Variants in DACH2 observed in about 807,000 individuals in gnomAD.
The protein encoded by DACH2 is dachshund family transcription factor 2.
Under a neutral mutation model 35.8 loss-of-function variants are expected in DACH2, and 17 were observed. The ratio of observed to expected loss-of-function variants is 0.48; its 90% CI spans 0.33 to 0.71. The LOEUF (loss-of-function observed/expected upper bound fraction) is 0.71, where lower values mean the gene tolerates loss of function less well. DACH2 is among the 30% of genes least tolerant of loss of function. The probability of loss-of-function intolerance (pLI) is 0.02; values close to 1 mark genes in which losing one functional copy is unlikely to be tolerated. For missense variants in DACH2, 469 were observed against 472.7 expected (o/e 0.99, Z 0.07); for synonymous variants, 195 against 177.3 (o/e 1.10, Z -0.79).
intron 1 of DACH2, among the ~76,000 whole-genome samples, chrX:86,218,948 A>G (rs1457193604): frequency 1.8e-5 from 2 of 111,995 alleles, no homozygotes; most frequent in African/African-American, 6.5e-5. Flanking sequence ...TTTCTTCTTT[A>G]ATATCCTGAT....
At chrX:86,261,628 GA>G (rs1166205521) in intron 1 of DACH2, among the ~76,000 whole-genome samples, 1 of 111,594 alleles carries the variant, frequency 9.0e-6, no homozygotes, top group African/African-American at 3.3e-5. Flanking sequence ...AGTGGAAAAT[GA>G]AGAGGAATTT....
chrX:86,206,655 G>T (rs2032320028), intron 1 of DACH2, among the ~76,000 whole-genome samples: 1 of 112,181 alleles, frequency 8.9e-6, no homozygotes, highest in Non-Finnish European at 1.9e-5. Context: ...TCATGGCAAA[G>T]TCATTTAGCC....
chrX:86,818,130 C>G (rs1793711946), intron 11 of DACH2, among the ~76,000 whole-genome samples: 1 of 111,426 alleles, frequency 9.0e-6, no homozygotes, highest in Non-Finnish European at 1.9e-5. Flanking sequence ...AAATAAGGTT[C>G]CACATAAATG....
intron 3 of DACH2, among the ~76,000 whole-genome samples, chrX:86,542,643 T>C (rs2038901691): frequency 8.9e-6 from 1 of 111,840 alleles, no homozygotes; most frequent in African/African-American, 3.3e-5. Flanking sequence ...TGTTCTGTTA[T>C]AGCAACACAA....
At chrX:86,576,062 T>C (rs2039431788) in intron 3 of DACH2, among the ~76,000 whole-genome samples, 1 of 112,308 alleles carries the variant, frequency 8.9e-6, no homozygotes, top group Non-Finnish European at 1.9e-5. Flanking sequence ...ATCCATTCAT[T>C]CATTTACTCA....
At chrX:86,371,543 A>T (rs748481873) in intron 1 of DACH2, among the ~76,000 whole-genome samples, 41 of 111,114 alleles carry the variant, frequency 3.7e-4, no homozygotes, top group Non-Finnish European at 6.4e-4. Context: ...AAACTTAAAT[A>T]GGCCTGAAAT....
intron 7 of DACH2, among the ~76,000 whole-genome samples, chrX:86,792,272 A>G (rs1278288153): frequency 8.9e-6 from 1 of 111,965 alleles, no homozygotes; most frequent in African/African-American, 3.2e-5. Flanking sequence ...TATTTTATGC[A>G]AGATATGTGG....
chrX:86,665,459 T>A (rs2040656602), intron 4 of DACH2, among the ~76,000 whole-genome samples: 1 of 111,571 alleles, frequency 9.0e-6, no homozygotes, highest in Non-Finnish European at 1.9e-5. Flanking sequence ...AGATTTTGTG[T>A]TTTCAGTCTA....
At chrX:86,224,778 G>C (rs1395238310) in intron 1 of DACH2, among the ~76,000 whole-genome samples, 4 of 111,385 alleles carry the variant, frequency 3.6e-5, no homozygotes, top group African/African-American at 1.3e-4. Context: ...ACAGGAAAAT[G>C]CATGATCATC....
intron 7 of DACH2, among the ~76,000 whole-genome samples, chrX:86,781,585 C>T (rs1162209449): frequency 1.8e-5 from 2 of 111,387 alleles, no homozygotes; most frequent in Admixed American, 1.9e-4. Context: ...AACCCCAAAA[C>T]CAATGAAAGA....
intron 1 of DACH2, among the ~76,000 whole-genome samples, chrX:86,224,250 G>A (rs1416861320): frequency 2.7e-5 from 3 of 111,426 alleles, no homozygotes; most frequent in Non-Finnish European, 1.9e-5. Context: ...TTAAGAGCAT[G>A]TGTTTTTGTG....
chrX:86,423,617 G>A (rs1041165072), intron 2 of DACH2, among the ~76,000 whole-genome samples: 6 of 108,872 alleles, frequency 5.5e-5, no homozygotes, highest in African/African-American at 2.0e-4. Flanking sequence ...TGTGAGTTGT[G>A]TCTTCATTGA....
At chrX:86,341,189 C>T (rs747744710) in intron 1 of DACH2, among the ~76,000 whole-genome samples, 2 of 112,050 alleles carry the variant, frequency 1.8e-5, no homozygotes, top group East Asian at 5.6e-4. Context: ...ACTTTTGTAG[C>T]TGGAGAAAAG....
At chrX:86,412,739 G>T (rs66471442) in intron 2 of DACH2, among the ~76,000 whole-genome samples, 3,210 of 111,244 alleles carry the variant, frequency 0.029, 74 homozygotes, top group East Asian at 0.21. Flanking sequence ...ATGGGGGCCT[G>T]CCAAAGGCTC....
intron 6 of DACH2, among the ~76,000 whole-genome samples, chrX:86,728,804 G>A (rs1178757086): frequency 8.9e-6 from 1 of 112,976 alleles, no homozygotes; most frequent in Non-Finnish European, 1.9e-5. Context: ...CAGACACACA[G>A]AATGCTTGAG....
At chrX:86,742,614 A>C in intron 7 of DACH2, 1 of 226,448 alleles carries the variant, frequency 4.4e-6, no homozygotes. Context: ...TCACATAGAA[A>C]ACTACTCAGT....
At chrX:86,696,104 C>A (rs1426853570) in intron 5 of DACH2, among the ~76,000 whole-genome samples, 1 of 111,685 alleles carries the variant, frequency 9.0e-6, no homozygotes, top group Admixed American at 9.6e-5. Context: ...TGCAGCAAAG[C>A]AGATCTTGTG....
chrX:86,830,077 C>T (rs2042598537), intron 11 of DACH2: 1 of 111,746 alleles, frequency 8.9e-6, no homozygotes, highest in African/African-American at 3.2e-5. Flanking sequence ...GATTAAAATT[C>T]AGCTACTACT....
intron 7 of DACH2, among the ~76,000 whole-genome samples, chrX:86,787,353 C>T (rs758790901): frequency 9.0e-6 from 1 of 111,641 alleles, no homozygotes; most frequent in African/African-American, 3.3e-5. Flanking sequence ...GGGGTGGTGG[C>T]TCAGGCCTAT....
Sources: allele counts gnomAD v4.1 joint callset (sites outside exome capture counted in the v4.1 genomes callset), GRCh38; gene constraint gnomAD v4.1.1; transcripts MANE v1.5; gene names NCBI Gene and HGNC (gene_info 2026-07-23, HGNC 2026-07-21).